Variants in PRKD1 observed in about 807,000 individuals in gnomAD.
PRKD1 encodes serine/threonine-protein kinase D1.
A neutral mutation model predicts 95.9 loss-of-function variants in PRKD1; 63 were observed. The observed-to-expected ratio is 0.66, with a 90% CI of 0.54 to 0.81. PRKD1 has a LOEUF of 0.81. PRKD1 is among the 30% of genes least tolerant of loss of function. The probability of loss-of-function intolerance (pLI) is 0.00; values close to 1 mark genes in which losing one functional copy is unlikely to be tolerated. For synonymous variants in PRKD1, 425 were observed against 423.1 expected, an observed-to-expected ratio of 1.00 and a Z score of -0.05; for missense variants, 1,048 against 1,165.3, an observed-to-expected ratio of 0.90 and a Z score of 1.47.
chr14:29,708,160 A>G (rs188254259), intron 2 of PRKD1, among the ~76,000 whole-genome samples: 6 of 152,254 alleles, frequency 3.9e-5, no homozygotes, highest in African/African-American at 4.8e-5. Context: ...GACATTAGGA[A>G]GGACAATTTA....
rs543628382 is a variant in PRKD1, at chr14:29,666,383, T to A, written c.404-175A>T. Reference sequence around the variant, plus strand: ...CATTAGACATTATTCCCAGCCATAGTTTTACAGTTGGTGGCACAGCAACCA... The same window carrying A: ...CATTAGACATTATTCCCAGCCATAGATTTACAGTTGGTGGCACAGCAACCA... On this transcript the variant is annotated intron_variant, in intron 2 of 17. Transcript: ENST00000331968. 2.0e-5 allele frequency among the ~76,000 whole-genome samples: 3 copies of A among 152,018 alleles called. No homozygotes were observed. The South Asian group carries it at 6.2e-4, about 32-fold the overall frequency.
intron 2 of PRKD1, among the ~76,000 whole-genome samples, chr14:29,698,975 T>C (rs940560845): frequency 3.3e-5 from 5 of 152,156 alleles, no homozygotes; most frequent in African/African-American, 4.8e-5. Flanking sequence ...TACAGTCTGC[T>C]TACTTTTTTA....
intron 1 of PRKD1, among the ~76,000 whole-genome samples, chr14:29,843,877 G>C (rs1891970867): frequency 6.6e-6 from 1 of 152,182 alleles, no homozygotes. Flanking sequence ...CACAGCTGCA[G>C]GACAGGCTTC....
At chr14:29,604,199 G>T (rs1368965644) in intron 13 of PRKD1, among the ~76,000 whole-genome samples, 2 of 151,710 alleles carry the variant, frequency 1.3e-5, no homozygotes, top group East Asian at 3.9e-4. Context: ...TTTAATATTG[G>T]TATCTAAGTA....
intron 11 of PRKD1, among the ~76,000 whole-genome samples, chr14:29,627,274 G>T (rs2139099759): frequency 6.6e-6 from 1 of 152,270 alleles, no homozygotes; most frequent in South Asian, 2.1e-4. Flanking sequence ...TCCCTGTATG[G>T]CTAGAATGAA....
intron 1 of PRKD1, among the ~76,000 whole-genome samples, chr14:29,780,207 C>T (rs1566597059): frequency 6.6e-6 from 1 of 152,140 alleles, no homozygotes; most frequent in Non-Finnish European, 1.5e-5. Context: ...CTAGGCAATA[C>T]CATTCAGGAC....
chr14:29,788,691 A>G (rs533794542), intron 1 of PRKD1, among the ~76,000 whole-genome samples: 3 of 152,024 alleles, frequency 2.0e-5, no homozygotes, highest in South Asian at 4.2e-4. Context: ...CATCTAGTCT[A>G]TTGTTGAAGC....
chr14:29,631,844 CA>C (rs1880028148), intron 9 of PRKD1, among the ~76,000 whole-genome samples: 1 of 150,588 alleles, frequency 6.6e-6, no homozygotes, highest in African/African-American at 2.4e-5. Context: ...TTCTGTTGCT[CA>C]GGCTGGAGTG....
chr14:29,640,780 C>T (rs1273683273), intron 4 of PRKD1, among the ~76,000 whole-genome samples: 1 of 152,168 alleles, frequency 6.6e-6, no homozygotes, highest in Non-Finnish European at 1.5e-5. Flanking sequence ...CCTGATGTCA[C>T]ACTTTGTTAG....
intron 2 of PRKD1, among the ~76,000 whole-genome samples, chr14:29,723,937 G>A (rs1408402351): frequency 6.6e-6 from 1 of 152,100 alleles, no homozygotes; most frequent in Non-Finnish European, 1.5e-5. Flanking sequence ...AACATAAAGG[G>A]TGGACAGCAG....
chr14:29,794,771 T>C, intron 1 of PRKD1, among the ~76,000 whole-genome samples: 1 of 152,170 alleles, frequency 6.6e-6, no homozygotes, highest in East Asian at 1.9e-4. Context: ...TATTTTATTT[T>C]GAATTGTTTT....
intron 1 of PRKD1, among the ~76,000 whole-genome samples, chr14:29,876,341 T>G (rs1383208203): frequency 6.6e-6 from 1 of 152,116 alleles, no homozygotes; most frequent in East Asian, 1.9e-4. Flanking sequence ...GATCAAGAGT[T>G]TGCCTACAAA....
intron 2 of PRKD1, among the ~76,000 whole-genome samples, chr14:29,707,863 A>G (rs1376223620): frequency 2.0e-5 from 3 of 152,208 alleles, no homozygotes; most frequent in Non-Finnish European, 4.4e-5. Context: ...ATTCATCATC[A>G]TAAGATGGCC....
At chr14:29,589,059 T>C (rs1391465022) in intron 16 of PRKD1, among the ~76,000 whole-genome samples, 3 of 152,044 alleles carry the variant, frequency 2.0e-5, no homozygotes, top group Non-Finnish European at 4.4e-5. Flanking sequence ...ACTGCCTGTT[T>C]GCCTCTCTAA....
chr14:29,594,050 T>A, intron 16 of PRKD1: 1 of 422,770 alleles, frequency 2.4e-6, no homozygotes, highest in South Asian at 1.7e-5. Context: ...CCTCTCTGGG[T>A]TCTCTCTAAT....
intron 16 of PRKD1, among the ~76,000 whole-genome samples, chr14:29,590,380 T>C (rs1298235198): frequency 2.6e-5 from 4 of 152,182 alleles, no homozygotes; most frequent in Admixed American, 2.6e-4. Context: ...ATAATCTATG[T>C]GACATTTATT....
chr14:29,585,278 T>A (rs746448680), intron 16 of PRKD1, among the ~76,000 whole-genome samples: 3 of 152,154 alleles, frequency 2.0e-5, no homozygotes, highest in Non-Finnish European at 2.9e-5. Context: ...GGCTGCCGGC[T>A]GCAAACAAGG....
At chr14:29,741,452 C>T (rs1043895679) in intron 1 of PRKD1, among the ~76,000 whole-genome samples, 3 of 152,132 alleles carry the variant, frequency 2.0e-5, no homozygotes, top group Admixed American at 2.0e-4. Context: ...CCTCCCAGAA[C>T]CACTGCAGAG....
intron 10 of PRKD1, 56 bp from the exon 11 acceptor site, chr14:29,629,149 C>G (rs1015679095): frequency 7.1e-7 from 1 of 1,416,570 alleles, no homozygotes; most frequent in Non-Finnish European, 9.9e-7. Flanking sequence ...GATGTAATAG[C>G]AAAACAAGTA....
Sources: allele counts gnomAD v4.1 joint callset (sites outside exome capture counted in the v4.1 genomes callset), GRCh38; gene constraint gnomAD v4.1.1; transcripts MANE v1.5; gene names NCBI Gene and HGNC (gene_info 2026-07-23, HGNC 2026-07-21).